Variants in ZNF362 observed in about 807,000 individuals in gnomAD.
ZNF362 encodes rotund homolog.
In ZNF362, 11 loss-of-function variants were observed where a neutral mutation model predicts 42.9. The observed-to-expected ratio is 0.26, with a 90% CI of 0.16 to 0.42. ZNF362 has a LOEUF of 0.42. ZNF362 is among the 20% of genes least tolerant of loss of function. The probability of loss-of-function intolerance (pLI) is 1.00; values close to 1 mark genes in which losing one functional copy is unlikely to be tolerated. For missense variants in ZNF362, 362 were observed against 576.2 expected (o/e 0.63, Z 3.81); for synonymous variants, 255 against 257.3 (o/e 0.99, Z 0.09).
the ZNF362 span, among the ~76,000 whole-genome samples, chr1:33,158,081 C>G: frequency 6.6e-6 from 1 of 152,192 alleles, no homozygotes; most frequent in African/African-American, 2.4e-5. Flanking sequence ...TGAAGGTCCA[C>G]TGAGCTGAGT....
the ZNF362 span, among the ~76,000 whole-genome samples, chr1:33,238,386 A>AAAATAATAAAATAAAATAAAAT: frequency 2.5e-5 from 3 of 119,774 alleles, no homozygotes; most frequent in Non-Finnish European, 5.8e-5. Context: ...TAAAATAAAT[A>AAAATAATAAAATAAAATAAAAT]AAATAAAATA....
At chr1:33,293,179 C>G (rs560910635) in intron 6 of ZNF362, among the ~76,000 whole-genome samples, 1 of 152,190 alleles carries the variant, frequency 6.6e-6, no homozygotes, top group African/African-American at 2.4e-5. Flanking sequence ...GAGCCCCACT[C>G]GCCAACGAAT....
At chr1:33,132,978 T>C in the ZNF362 span, among the ~76,000 whole-genome samples, 3 of 152,246 alleles carry the variant, frequency 2.0e-5, no homozygotes, top group South Asian at 6.2e-4. Flanking sequence ...GATAATGTGA[T>C]AAGCCACACC....
the ZNF362 span, among the ~76,000 whole-genome samples, chr1:33,238,326 CATAAA>C: frequency 0.062 from 5,240 of 84,782 alleles, 278 homozygotes; most frequent in African/African-American, 0.14. Context: ...CTCAAAATAA[CATAAA>C]ATAAAATAAA....
At chr1:33,152,695 A>G in the ZNF362 span, among the ~76,000 whole-genome samples, 3 of 152,232 alleles carry the variant, frequency 2.0e-5, no homozygotes, top group Admixed American at 2.0e-4. Context: ...AAATAATTTA[A>G]TCTGCATAGC....
At chr1:33,261,901 G>A (rs1184416019) in intron 1 of ZNF362, among the ~76,000 whole-genome samples, 1 of 152,222 alleles carries the variant, frequency 6.6e-6, no homozygotes, top group Non-Finnish European at 1.5e-5. Flanking sequence ...AAAGGCAGGG[G>A]AAAGTGCTCA....
the ZNF362 span, among the ~76,000 whole-genome samples, chr1:33,162,473 T>C: frequency 6.6e-6 from 1 of 152,202 alleles, no homozygotes; most frequent in Non-Finnish European, 1.5e-5. Flanking sequence ...TCTCCCTGGC[T>C]AGTAAGTGGG....
Position 33,281,659 on chromosome 1 carries a change from C to G in ZNF362, c.756C>G (p.Ala252=), listed in dbSNP as rs766969981. 2 of 1,614,232 alleles carry G rather than the reference C, an allele frequency of 1.2e-6. No homozygotes were observed. The highest frequency in any genetic ancestry group is 2.2e-5 in the South Asian group (2 of 91,092). ...TCCACTCCAAGTCGCACACAGAGGCCAAGCCCCACAAGTGCCCGCACTGCT... is the reference window on the plus strand; with the variant it reads ...TCCACTCCAAGTCGCACACAGAGGCGAAGCCCCACAAGTGCCCGCACTGCT... ...MQIHSKSHTE[A]KPHKCPHCSK... The change falls in exon 6 of 9, where the codon GCC becomes GCG. Residue 252 remains alanine (A), a synonymous_variant. Coordinates refer to ENST00000539719, the MANE Select transcript of ZNF362 (RefSeq NM_152493.3). This position sits in a 1 kb window ranked among gnomAD's most constrained non-coding sequence, Gnocchi z 4.8.
chr1:33,246,531 C>T, the ZNF362 span, among the ~76,000 whole-genome samples: 6 of 152,142 alleles, frequency 3.9e-5, no homozygotes, highest in African/African-American at 9.7e-5. Flanking sequence ...AGTGGATGCT[C>T]ACATAGGACT....
At chr1:33,287,442 C>T (rs1248054984) in intron 6 of ZNF362, among the ~76,000 whole-genome samples, 5 of 152,272 alleles carry the variant, frequency 3.3e-5, no homozygotes, top group East Asian at 1.9e-4. Flanking sequence ...GCTGAGATCA[C>T]GCCACTGCAC....
Position 33,281,903 on chromosome 1 carries a change from C to A in ZNF362, c.908+92C>A. On this transcript the variant is annotated intron_variant, in intron 6 of 8. Transcript: ENST00000539719. The surrounding 1 kb of genome is among the most constrained non-coding windows in gnomAD (Gnocchi z 4.8). ...AGCCAGTGCAAGGAGGGGCAAGGAC[C>A]TTCTCCAGGTGCCCATTGCCCTCGG... The A allele has an allele frequency of 7.3e-7, 1 of 1,369,066 alleles. No homozygotes were observed. The highest frequency in any genetic ancestry group is 1.0e-6 in the Non-Finnish European group (1 of 980,954). The allele number at this position is 1,369,066 out of a possible 1,614,324, so 84.8% of individuals were successfully genotyped here.
At chr1:33,142,073 G>A in the ZNF362 span, 1 of 152,222 alleles carries the variant, frequency 6.6e-6, no homozygotes, top group African/African-American at 2.4e-5. Context: ...GTCCTGATGG[G>A]CAGTGATAAT....
the ZNF362 span, among the ~76,000 whole-genome samples, chr1:33,160,749 G>A: frequency 6.6e-6 from 1 of 152,090 alleles, no homozygotes; most frequent in East Asian, 1.9e-4. Context: ...TCATTCAGGG[G>A]GCTCAAGGAA....
At chr1:33,247,854 C>T in the ZNF362 span, among the ~76,000 whole-genome samples, 2 of 152,342 alleles carry the variant, frequency 1.3e-5, no homozygotes, top group African/African-American at 4.8e-5. Context: ...CACCCATGAG[C>T]TCCTTAGACT....
chr1:33,181,054 C>T, the ZNF362 span: 3 of 1,596,336 alleles, frequency 1.9e-6, no homozygotes, highest in Admixed American at 1.7e-5. The surrounding 1 kb of genome is among the most constrained non-coding windows in gnomAD (Gnocchi z 6.5). Flanking sequence ...TCGTCGATGC[C>T]GGTGACCTGA....
the ZNF362 span, among the ~76,000 whole-genome samples, chr1:33,139,626 G>A: frequency 2.0e-5 from 3 of 152,330 alleles, no homozygotes; most frequent in East Asian, 3.9e-4. Flanking sequence ...CATTCTCCAC[G>A]TGGGATCATA....
At chr1:33,270,448 ATTATTGTTATTATTG>A (rs1645894119) in intron 1 of ZNF362, 24 bp from the exon 2 acceptor site, 5 of 626,756 alleles carry the variant, frequency 8.0e-6, no homozygotes, top group South Asian at 2.1e-5. Flanking sequence ...TACTATTATT[ATTATTGTTATTATTG>A]TTATTGTTAT....
At chr1:33,258,674 C>T (rs1570378010) in intron 1 of ZNF362, among the ~76,000 whole-genome samples, 1 of 152,104 alleles carries the variant, frequency 6.6e-6, no homozygotes, top group South Asian at 2.1e-4. Context: ...CTGGAAGATC[C>T]GTTTTGAACA....
chr1:33,253,443 G>C (rs981821032), upstream of ZNF362, among the ~76,000 whole-genome samples: 2 of 151,588 alleles, frequency 1.3e-5, no homozygotes, highest in African/African-American at 4.9e-5. Context: ...AAGGGCAAGG[G>C]AGGGTGTTCC....
Sources: gnomAD v4.1 joint callset for allele counts (sites outside exome capture counted in the v4.1 genomes callset) on GRCh38, gnomAD v4.1.1 for gene constraint, Gnocchi (gnomAD v3.1) non-coding constraint, MANE v1.5 for transcripts, NCBI Gene and HGNC (gene_info 2026-07-23, HGNC 2026-07-21) for gene names.